Variants in UNC13C observed in about 807,000 individuals in gnomAD.
UNC13C encodes the protein unc-13 homolog C.
UNC13C carries 174 observed loss-of-function variants against 245.4 expected under a neutral mutation model. The observed-to-expected ratio is 0.71, with a 90% CI of 0.63 to 0.80. UNC13C has a LOEUF of 0.80. Ranked by LOEUF, UNC13C falls within the 30% of genes least tolerant of loss-of-function variation. UNC13C has a pLI of 0.00. For synonymous variants in UNC13C, 992 were observed against 895.1 expected (o/e 1.11, Z -1.93); for missense variants, 2,829 against 2,602.9 (o/e 1.09, Z -1.89).
At chr15:53,907,939 T>C in the UNC13C span, among the ~76,000 whole-genome samples, 2 of 147,034 alleles carry the variant, frequency 1.4e-5, 1 homozygote, top group Non-Finnish European at 3.1e-5. Context: ...GGTTTTATTC[T>C]AGTTAGAATT....
chr15:54,217,351 T>A (rs1384717949), intron 4 of UNC13C, among the ~76,000 whole-genome samples: 1 of 151,832 alleles, frequency 6.6e-6, no homozygotes, highest in Non-Finnish European at 1.5e-5. Context: ...CAAGGATCAG[T>A]AGAGGAAAGA....
chr15:54,286,632 T>C (rs1242957068), intron 10 of UNC13C, among the ~76,000 whole-genome samples: 2 of 152,190 alleles, frequency 1.3e-5, no homozygotes, highest in East Asian at 3.8e-4. Context: ...ATAGGAAATA[T>C]CTATTTAGAC....
chr15:54,006,949 G>C (rs1332504961), intron 1 of UNC13C, among the ~76,000 whole-genome samples: 1 of 152,184 alleles, frequency 6.6e-6, no homozygotes, highest in Non-Finnish European at 1.5e-5. Flanking sequence ...TCTGCACTTT[G>C]TGAGGGTTGC....
chr15:54,284,593 A>G (rs1233443601), intron 10 of UNC13C, among the ~76,000 whole-genome samples: 1 of 151,814 alleles, frequency 6.6e-6, no homozygotes, highest in Non-Finnish European at 1.5e-5. Context: ...GAAATGGTGA[A>G]TAGAAATCAC....
chr15:54,605,865 A>G (rs1747564499), intron 30 of UNC13C, among the ~76,000 whole-genome samples: 1 of 152,222 alleles, frequency 6.6e-6, no homozygotes, highest in Non-Finnish European at 1.5e-5. Flanking sequence ...TCATTCATGG[A>G]CATTAGGCCA....
At chr15:54,304,304 C>T (rs1276807160) in intron 13 of UNC13C, among the ~76,000 whole-genome samples, 2 of 152,106 alleles carry the variant, frequency 1.3e-5, no homozygotes, top group African/African-American at 4.8e-5. Context: ...AGAAATAAAG[C>T]AAAAGAATGC....
chr15:54,388,675 G>A lies in UNC13C; in HGVS notation c.4714-4373G>A, dbSNP rs560851312. 2.6e-5 allele frequency among the ~76,000 whole-genome samples: 4 copies of A among 151,716 alleles called. No individual in the cohort carries two copies. The South Asian group carries it at 6.3e-4, about 24-fold the overall frequency. ...TCTCATTCTCTTCCGTTTCAGCAGG[G>A]GCCTCTCTCCTTTACCTATGTCTCT... On this transcript the variant is annotated intron_variant, in intron 17 of 32. Transcript: ENST00000260323.
At chr15:54,089,285 T>C (rs1899426239) in intron 2 of UNC13C, among the ~76,000 whole-genome samples, 1 of 152,206 alleles carries the variant, frequency 6.6e-6, no homozygotes, top group African/African-American at 2.4e-5. Context: ...AAGAAAGCTC[T>C]CTGTAGTCAG....
chr15:54,134,088 T>G (rs1444957457), intron 2 of UNC13C, among the ~76,000 whole-genome samples: 2 of 147,682 alleles, frequency 1.4e-5, no homozygotes, highest in Admixed American at 1.4e-4. Flanking sequence ...AGGACACTTA[T>G]GTACTATATT....
chr15:54,475,002 A>C (rs946594004), intron 19 of UNC13C, among the ~76,000 whole-genome samples: 3 of 151,984 alleles, frequency 2.0e-5, no homozygotes, highest in African/African-American at 7.2e-5. Context: ...GTGTGAAGAC[A>C]TCCATCCCCA....
At chr15:54,463,575 A>G (rs1304907789) in intron 19 of UNC13C, among the ~76,000 whole-genome samples, 3 of 152,034 alleles carry the variant, frequency 2.0e-5, no homozygotes, top group Non-Finnish European at 1.5e-5. Context: ...ACTCACTGCA[A>G]AGGTCTGCAG....
At position 54,628,188 on chromosome 15, in the gene UNC13C, T is replaced by TAAAAATATAG. The variant is rs1555404675; in HGVS notation, c.*1076_*1085dup. The TAAAAATATAG allele has an allele frequency of 1.3e-5, 2 of 152,094 alleles. No homozygotes were observed. The highest frequency in any genetic ancestry group is 3.8e-4 in the East Asian group (2 of 5,196). 9.4% of individuals were successfully genotyped at this position (152,094 alleles called of 1,614,324 possible). A position where few individuals can be genotyped will look rare whatever the true frequency, so the allele number is the denominator to read the frequency against. On this transcript the variant is annotated 3_prime_UTR_variant, in exon 33 of 33. Transcript: ENST00000260323. ...GAACAATGTAATACAGCTTGGTACC[T>TAAAAATATAG]AAAAATATAGCTAAGTTGGTTTTTG...
At chr15:54,516,005 A>C (rs1894958726) in intron 24 of UNC13C, among the ~76,000 whole-genome samples, 1 of 152,174 alleles carries the variant, frequency 6.6e-6, no homozygotes, top group African/African-American at 2.4e-5. Flanking sequence ...TGGTCAACTA[A>C]ATTATCCTTT....
intron 5 of UNC13C, 94 bp from the exon 6 acceptor site, chr15:54,236,336 G>C (rs1596059549): frequency 3.1e-6 from 3 of 954,470 alleles, no homozygotes; most frequent in South Asian, 1.4e-5. Context: ...TAATTGTAAA[G>C]TGTTAGGCTA....
chr15:54,613,914 G>C (rs1301883690), intron 30 of UNC13C, among the ~76,000 whole-genome samples: 1 of 151,916 alleles, frequency 6.6e-6, no homozygotes, highest in Non-Finnish European at 1.5e-5. Context: ...TTTGGTGGGA[G>C]AAACTATTAT....
chr15:53,904,377 T>C, the UNC13C span, among the ~76,000 whole-genome samples: 4 of 152,290 alleles, frequency 2.6e-5, no homozygotes, highest in African/African-American at 9.6e-5. Flanking sequence ...TAATTTGTAA[T>C]ACAAATATTA....
intron 10 of UNC13C, among the ~76,000 whole-genome samples, chr15:54,267,749 T>C (rs2036582888): frequency 6.6e-6 from 1 of 152,076 alleles, no homozygotes; most frequent in Non-Finnish European, 1.5e-5. Flanking sequence ...TGTAATATTC[T>C]TCCTTTTTCT....
At chr15:54,103,175 C>T (rs1286011162) in intron 2 of UNC13C, among the ~76,000 whole-genome samples, 2 of 152,192 alleles carry the variant, frequency 1.3e-5, no homozygotes, top group Non-Finnish European at 2.9e-5. Flanking sequence ...AACTGTGATA[C>T]ACAAACACAC....
At chr15:54,290,602 G>A (rs1413577585) in intron 10 of UNC13C, among the ~76,000 whole-genome samples, 3 of 151,958 alleles carry the variant, frequency 2.0e-5, no homozygotes, top group African/African-American at 7.3e-5. Context: ...TCATGTATAT[G>A]TATTATGTAG....
Sources: allele counts gnomAD v4.1 joint callset (sites outside exome capture counted in the v4.1 genomes callset), GRCh38; gene constraint gnomAD v4.1.1; transcripts MANE v1.5; gene names NCBI Gene and HGNC (gene_info 2026-07-23, HGNC 2026-07-21).